SLC35A5: variants seen among roughly 807,000 people sequenced by gnomAD.
SLC35A5 encodes the protein UDP-sugar transporter protein SLC35A5.
Under a neutral mutation model 36.3 loss-of-function variants are expected in SLC35A5, and 28 were observed. The ratio of observed to expected loss-of-function variants is 0.77; its 90% confidence interval spans 0.57 to 1.06. The LOEUF is 1.06. Among genes scored for constraint, SLC35A5 ranks in the 50% least tolerant of loss-of-function variants. The probability of loss-of-function intolerance (pLI) is 0.00; values close to 1 mark genes in which losing one functional copy is unlikely to be tolerated. For missense variants in SLC35A5, 521 were observed against 499.3 expected (o/e 1.04, Z -0.41); for synonymous variants, 180 against 173.7 (o/e 1.04, Z -0.29).
At chr3:112,569,410 G>A (rs541052826) in intron 3 of SLC35A5, 141 bp downstream of exon 3, 7 of 671,778 alleles carry the variant, frequency 1.0e-5, no homozygotes, top group South Asian at 3.8e-5. Flanking sequence ...GTATGTTTTA[G>A]AGGTGGAGAA....
At chr3:112,577,859 C>T (rs905710760) in intron 5 of SLC35A5, among the ~76,000 whole-genome samples, 1 of 152,026 alleles carries the variant, frequency 6.6e-6, no homozygotes, top group Non-Finnish European at 1.5e-5. Context: ...TAAATCTGCC[C>T]CTTGTCACTC....
At chr3:112,561,533 G>A, upstream of SLC35A5, 3 of 1,608,564 alleles carry the variant, frequency 1.9e-6, no homozygotes, top group Non-Finnish European at 2.5e-6. Context: ...CTGCATCCTG[G>A]GGCCGGAGTA....
chr3:112,566,844 AAGT>A (rs1201005558), intron 2 of SLC35A5, among the ~76,000 whole-genome samples: 3 of 152,198 alleles, frequency 2.0e-5, no homozygotes, highest in Non-Finnish European at 4.4e-5. Flanking sequence ...TAGCTAGAGG[AAGT>A]AGTATTTTAT....
At chr3:112,577,833 C>T (rs1265215060) in intron 5 of SLC35A5, among the ~76,000 whole-genome samples, 2 of 152,202 alleles carry the variant, frequency 1.3e-5, no homozygotes, top group African/African-American at 4.8e-5. Context: ...TAAATTTTCT[C>T]TGTGACTTCT....
Position 112,569,208 on chromosome 3 carries a change from G to T in SLC35A5, c.168G>T (p.Val56=), listed in dbSNP as rs1268224371. Residue 56 remains valine, a synonymous_variant, in exon 3 of 7, where the codon GTG becomes GTT. Transcript: ENST00000492406. ...KYDYLPTTVN[V]CSELVKLVFC... is the part of the protein sequence containing the mutation. Reference sequence around the variant, plus strand: ...ATTATCTTCCAACTACTGTGAATGTGTGCTCAGAACTGGTGAAGCTAGTTT... The same window carrying T: ...ATTATCTTCCAACTACTGTGAATGTTTGCTCAGAACTGGTGAAGCTAGTTT... 1 of 1,613,868 alleles carries T rather than the reference G, an allele frequency of 6.2e-7. No individual in the cohort carries two copies. The highest frequency in any genetic ancestry group is 1.1e-5 in the South Asian group (1 of 91,020).
chr3:112,566,361 TAGG>T (rs754149673), intron 2 of SLC35A5, among the ~76,000 whole-genome samples: 12 of 152,162 alleles, frequency 7.9e-5, no homozygotes, highest in African/African-American at 1.2e-4. Context: ...TATGAATAAA[TAGG>T]AGGTAGGTTT....
chr3:112,573,361 T>C (rs1934531893), intron 4 of SLC35A5, among the ~76,000 whole-genome samples: 1 of 152,178 alleles, frequency 6.6e-6, no homozygotes, highest in African/African-American at 2.4e-5. Flanking sequence ...TTTCTAAGTG[T>C]TTAGAACAAC....
intron 4 of SLC35A5, among the ~76,000 whole-genome samples, chr3:112,571,167 G>A (rs2107427974): frequency 6.6e-6 from 1 of 152,252 alleles, no homozygotes. Flanking sequence ...TTCAAGGGTA[G>A]GGATCATGTC....
chr3:112,576,274 C>T (rs1399002308), intron 5 of SLC35A5, among the ~76,000 whole-genome samples: 5 of 151,872 alleles, frequency 3.3e-5, no homozygotes, highest in African/African-American at 2.4e-5. Context: ...GTTACAGGCA[C>T]GTGCCACCAC....
chr3:112,566,525 C>T (rs1481286892), intron 2 of SLC35A5, among the ~76,000 whole-genome samples: 1 of 152,152 alleles, frequency 6.6e-6, no homozygotes, highest in Non-Finnish European at 1.5e-5. Flanking sequence ...CGAGGAATGC[C>T]AGCATTTAAG....
intron 5 of SLC35A5, among the ~76,000 whole-genome samples, chr3:112,577,668 A>G (rs993533624): frequency 3.9e-5 from 6 of 152,254 alleles, no homozygotes; most frequent in African/African-American, 1.4e-4. Context: ...AAGAGAAGGT[A>G]TGGAAAAAAA....
rs893093398 is a variant in SLC35A5 at position 112,583,646 on chromosome 3, T to C, written c.*910T>C. The C allele has an allele frequency of 1.3e-5, 2 of 152,370 alleles. No homozygotes were observed. The highest frequency in any genetic ancestry group is 1.9e-4 in the East Asian group (1 of 5,184). 9.4% of individuals were successfully genotyped at this position (152,370 alleles called of 1,614,324 possible). A position where few individuals can be genotyped will look rare whatever the true frequency, so the allele number is the denominator to read the frequency against. Reference sequence around the variant, plus strand: ...CATACCAGATTGTCAGTGAAGCTGATGCCTAGGAACTTTTAAAGGGATCCT... The same window carrying C: ...CATACCAGATTGTCAGTGAAGCTGACGCCTAGGAACTTTTAAAGGGATCCT... On this transcript the variant is annotated 3_prime_UTR_variant, in exon 7 of 7. Transcript: ENST00000492406.
chr3:112,562,984 C>G (rs1415445894), intron 1 of SLC35A5, among the ~76,000 whole-genome samples: 1 of 152,176 alleles, frequency 6.6e-6, no homozygotes, highest in South Asian at 2.1e-4. Context: ...CGCTTGAGTC[C>G]GGTAGGTAGG....
At chr3:112,567,715 G>A (rs1934261392) in intron 2 of SLC35A5, among the ~76,000 whole-genome samples, 1 of 152,238 alleles carries the variant, frequency 6.6e-6, no homozygotes, top group South Asian at 2.1e-4. Context: ...GTTAGTGTGG[G>A]CAGGAGATGT....
chr3:112,563,237 C>T, intron 1 of SLC35A5, 148 bp from the exon 2 acceptor site: 2 of 492,890 alleles, frequency 4.1e-6, no homozygotes, highest in Non-Finnish European at 6.6e-6. Context: ...TTCCTTTTGT[C>T]ATAGTTTCTT....
At chr3:112,579,546 C>T (rs946960359) in intron 5 of SLC35A5, among the ~76,000 whole-genome samples, 2 of 152,066 alleles carry the variant, frequency 1.3e-5, no homozygotes, top group African/African-American at 2.4e-5. Flanking sequence ...GTTGCCTTTG[C>T]ATAGAGACTC....
chr3:112,576,945 A>G (rs1934701883), intron 5 of SLC35A5, among the ~76,000 whole-genome samples: 1 of 152,132 alleles, frequency 6.6e-6, no homozygotes. Context: ...TCTATCACAT[A>G]TTCTTTGTTT....
chr3:112,568,471 A>G (rs554548904), intron 2 of SLC35A5, among the ~76,000 whole-genome samples: 50 of 152,360 alleles, frequency 3.3e-4, no homozygotes, highest in African/African-American at 1.2e-3. Context: ...ATGAAGTCAT[A>G]CCAACCAAAC....
rs1935048557 is a variant in SLC35A5 at position 112,583,975 on chromosome 3, T to C, written c.*1239T>C. On this transcript the variant is annotated 3_prime_UTR_variant, in exon 7 of 7. Transcript: ENST00000492406. ...CCTGTATGTTTACAGACTACCATAC[T>C]GTAAATATGAGCTTTATGGTGTCAT... 1 of 152,178 alleles carries C rather than the reference T, an allele frequency of 6.6e-6. No individual in the cohort carries two copies. The highest frequency in any genetic ancestry group is 2.1e-4 in the South Asian group (1 of 4,838). The allele number at this position is 152,178 out of a possible 1,614,324, so 9.4% of individuals were successfully genotyped here. A position where few individuals can be genotyped will look rare whatever the true frequency, so the allele number is the denominator to read the frequency against.
Sources: allele counts gnomAD v4.1 joint callset (sites outside exome capture counted in the v4.1 genomes callset), GRCh38; gene constraint gnomAD v4.1.1; transcripts MANE v1.5; gene names NCBI Gene and HGNC (gene_info 2026-07-23, HGNC 2026-07-21).